Variants in ABCA7 observed in about 807,000 individuals in gnomAD.
ABCA7 encodes the protein ATP binding cassette subfamily A member 7, also known as phospholipid-transporting ATPase ABCA7.
A neutral mutation model predicts 227.6 loss-of-function variants in ABCA7; 261 were observed. That is an observed-to-expected ratio of 1.15 (90% CI 1.04 to 1.27). ABCA7 has a LOEUF of 1.27. ABCA7 is among the 50% of genes most tolerant of loss of function. The pLI, the probability that ABCA7 is intolerant of heterozygous loss-of-function variation, is 0.00. For missense variants in ABCA7, 3,331 were observed against 2,924.5 expected, an observed-to-expected ratio of 1.14 and a Z score of -3.21; for synonymous variants, 1,488 against 1,279.7, an observed-to-expected ratio of 1.16 and a Z score of -3.47.
chr19:1,063,482 T>C (rs1034477938), intron 42 of ABCA7, 62 bp from the exon 43 acceptor site: 1 of 1,575,896 alleles, frequency 6.3e-7, no homozygotes, highest in African/African-American at 1.3e-5. Flanking sequence ...CCCGCCACAC[T>C]GTGGCCCTGC....
At position 1,061,793 on chromosome 19, in the gene ABCA7, G is replaced by A. The variant is rs1206154713; in HGVS notation, c.5475G>A (p.Leu1825=). ...LGIPPGECFG[L]LGVNGAGKTS... is the part of the protein sequence containing the mutation. ...GGGCATCCCTGTAGTGTTTTGGGCT[G>A]CTGGGTGTGAATGGAGCAGGGAAGA... The change falls in exon 41 of 47, where the codon CTG becomes CTA. Residue 1825 remains leucine (L), a synonymous_variant. Coordinates refer to ENST00000263094, the MANE Select transcript of ABCA7 (RefSeq NM_019112.4). 2 of 1,613,056 alleles carry A rather than the reference G, an allele frequency of 1.2e-6. No individual in the cohort carries two copies. The highest frequency in any genetic ancestry group is 1.7e-5 in the Admixed American group (1 of 59,896).
At position 1,041,814 on chromosome 19, in the gene ABCA7, C is replaced by G. The variant is rs764668443; in HGVS notation, c.161-17C>G. The G allele has an allele frequency of 5.0e-6, 8 of 1,600,756 alleles. No homozygotes were observed. In the South Asian group the frequency reaches 8.9e-5, roughly 18 times the overall value. On this transcript the variant is annotated splice_polypyrimidine_tract_variant and intron_variant, in intron 3 of 46. Transcript: ENST00000263094. ...GGCAGAGTCCACAGGGCCTCAGCACCAGGCGTCTCCCCGCAGGCCACTTCC... is the reference window on the plus strand; with the variant it reads ...GGCAGAGTCCACAGGGCCTCAGCACGAGGCGTCTCCCCGCAGGCCACTTCC...
At position 1,063,792 on chromosome 19, in the gene ABCA7, G is replaced by T. The variant is rs1323735723; in HGVS notation, c.5880G>T (p.Ala1960=). ...DEPTTGMDPS[A]RRFLWNSLLA... is the part of the protein sequence containing the mutation. The stretch of plus-strand genomic sequence containing the variant: ...CGACCACAGGCATGGACCCCAGCGC[G>T]CGGCGCTTCCTTTGGAACAGCCTTT... The change falls in exon 44 of 47, where the codon GCG becomes GCT. Residue 1960 remains alanine, a synonymous_variant. Transcript: ENST00000263094. The T allele has an allele frequency of 7.8e-6, 12 of 1,546,746 alleles. No individual in the cohort carries two copies. Among genetic ancestry groups the T allele is most frequent in the Non-Finnish European group, 1.0e-5 (12 of 1,145,730 alleles).
At chr19:1,041,175 G>A in intron 1 of ABCA7, 50 bp from the exon 2 acceptor site, 1 of 653,672 alleles carries the variant, frequency 1.5e-6, no homozygotes, top group East Asian at 2.7e-5. Context: ...CACCCCTGGG[G>A]TAGCGGAGCC....
At position 1,043,178 on chromosome 19, in the gene ABCA7, C is replaced by A. The variant is rs1174607577; in HGVS notation, c.717C>A (p.Asn239Lys). The A allele has an allele frequency of 1.3e-5, 21 of 1,610,816 alleles. No homozygotes were observed. The highest frequency in any genetic ancestry group is 1.8e-5 in the Non-Finnish European group (21 of 1,178,420). The change falls in exon 8 of 47, where the codon AAC becomes AAA. Residue 239 changes from asparagine (N) to lysine (K), a missense_variant. Coordinates refer to ENST00000263094, the MANE Select transcript of ABCA7 (RefSeq NM_019112.4). ...GPSSTVGPSLNWYEASDLMEL... is the reference protein window; with the variant it reads ...GPSSTVGPSLKWYEASDLMEL... ...GCAGCACAGTGGGCCCCTCCCTCAA[C>A]TGGTACGAGGCTAGTGACCTGATGG...
Position 1,041,614 on chromosome 19 carries a change from C to A in ABCA7, c.160+11C>A. 4 of 1,609,908 alleles carry A rather than the reference C, an allele frequency of 2.5e-6. No homozygotes were observed. Among genetic ancestry groups the A allele is most frequent in the Non-Finnish European group, 3.4e-6 (4 of 1,179,300 alleles). On this transcript the variant is annotated intron_variant, in intron 3 of 46. Coordinates refer to ENST00000263094, the MANE Select transcript of ABCA7 (RefSeq NM_019112.4). ...TGGAGCACCATGAATGTGAGCCCCC[C>A]CAGGGACCAGGCACTTTGTGTGTGT...
At position 1,043,040 on chromosome 19, in the gene ABCA7, G is replaced by A; in HGVS notation, c.580-1G>A. On this transcript the variant is annotated splice_acceptor_variant, in intron 7 of 46. Coordinates refer to ENST00000263094, the MANE Select transcript of ABCA7 (RefSeq NM_019112.4). LOFTEE classifies it high-confidence loss of function. The stretch of plus-strand genomic sequence containing the variant: ...AGCTCCGTCTGGTAACCTCTCTCTA[G>A]CTCCTGGCGCTGCGCAGCCTGGTGG... 6.3e-7 allele frequency: 1 copy of A among 1,597,942 alleles called. No individual in the cohort carries two copies. The highest frequency in any genetic ancestry group is 1.1e-5 in the South Asian group (1 of 90,382).
At chr19:1,047,771 AAG>A in intron 16 of ABCA7, 117 bp downstream of exon 16, 1 of 1,198,642 alleles carries the variant, frequency 8.3e-7, no homozygotes, top group Admixed American at 2.8e-5. Flanking sequence ...CCTTGGAGAG[AAG>A]GCGGGGCTTC....
Position 1,042,379 on chromosome 19 carries a change from G to T in ABCA7, c.480G>T (p.Leu160=). The change falls in exon 6 of 47, where the codon CTG becomes CTT. Residue 160 remains leucine (L), a synonymous_variant. Coordinates refer to ENST00000263094, the MANE Select transcript of ABCA7 (RefSeq NM_019112.4). ...EPPMLDVAEL[L]TSLLRTESLG... ...CCATGCTGGATGTCGCGGAGCTGCT[G>T]ACGTCACTGCTGCGCACGGTAGGGT... 1 of 1,607,334 alleles carries T rather than the reference G, an allele frequency of 6.2e-7. No individual in the cohort carries two copies.
intron 11 of ABCA7, 77 bp from the exon 12 acceptor site, chr19:1,044,925 A>ATCGG: frequency 6.5e-7 from 1 of 1,550,264 alleles, no homozygotes; most frequent in South Asian, 1.2e-5. Flanking sequence ...CCCAGCCCCG[A>ATCGG]GGTCCAGGGG....
At chr19:1,044,541 C>T in intron 10 of ABCA7, 36 bp from the exon 11 acceptor site, 3 of 1,594,118 alleles carry the variant, frequency 1.9e-6, no homozygotes, top group East Asian at 2.2e-5. Flanking sequence ...GCCACTGTGC[C>T]CGACCCAGAC....
chr19:1,058,047 C>G lies in ABCA7; in HGVS notation c.5013C>G (p.Leu1671=), dbSNP rs755966364. ...NGSMATFVLE[L]FSDQKLQEVS... ...GCATGGCCACCTTTGTGCTTGAGCT[C>G]TTCTCTGATCAGGTGGGGCACCACG... is the stretch of plus-strand genomic sequence containing the variant. Residue 1671 remains leucine, a synonymous_variant, in exon 36 of 47, where the codon CTC becomes CTG. Coordinates refer to ENST00000263094, the MANE Select transcript of ABCA7 (RefSeq NM_019112.4). 3 of 1,614,160 alleles carry G rather than the reference C, an allele frequency of 1.9e-6. No individual in the cohort carries two copies. Among genetic ancestry groups the G allele is most frequent in the Non-Finnish European group, 2.5e-6 (3 of 1,180,038 alleles).
Position 1,043,418 on chromosome 19 carries a change from T to C in ABCA7, c.875T>C (p.Leu292Pro). 1.2e-6 allele frequency: 2 copies of C among 1,613,378 alleles called. No homozygotes were observed. The highest frequency in any genetic ancestry group is 8.5e-7 in the Non-Finnish European group (1 of 1,180,000). Residue 292 changes from leucine to proline, a missense_variant, in exon 9 of 47, where the codon CTC becomes CCC. Physicochemically the swap from Leu to Pro is moderately conservative, Grantham distance 98 (BLOSUM62 -3). Transcript: ENST00000263094. The stretch of plus-strand genomic sequence containing the variant: ...TGGAGACGCCTGAAGCCTCTGATCC[T>C]CGGGAAGCTACTCTTTGCACCAGAT... ...LLWRRLKPLI[L>P]GKLLFAPDTP...
intron 40 of ABCA7, among the ~76,000 whole-genome samples, chr19:1,060,210 T>A (rs1020172820): frequency 0.018 from 2,609 of 146,164 alleles, 152 homozygotes; most frequent in African/African-American, 0.055. Context: ...TATATATATT[T>A]TTTTTTCTTT....
chr19:1,044,630 G>T lies in ABCA7; in HGVS notation c.1101G>T (p.Arg367=), dbSNP rs748838063. The change falls in exon 11 of 47, where the codon CGG becomes CGT. Residue 367 remains arginine, a synonymous_variant. Transcript: ENST00000263094. ...EGRRQPRPGG[R]DHMEALRSFL... ...GAAGGCAGCCCAGACCTGGAGGCCGGGACCACATGGAGGCCCTGCGATCCT... is the reference window on the plus strand; with the variant it reads ...GAAGGCAGCCCAGACCTGGAGGCCGTGACCACATGGAGGCCCTGCGATCCT... 3 of 1,613,262 alleles carry T rather than the reference G, an allele frequency of 1.9e-6. No homozygotes were observed. In the East Asian group the frequency reaches 6.7e-5, roughly 36 times the overall value.
chr19:1,063,438 C>T (rs1568425235), intron 42 of ABCA7, 106 bp from the exon 43 acceptor site: 1 of 1,463,086 alleles, frequency 6.8e-7, no homozygotes, highest in Non-Finnish European at 9.2e-7. Flanking sequence ...CTGCCCCATG[C>T]CCATTATGCC....
chr19:1,058,124 T>C (rs2042410849), intron 36 of ABCA7, 22 bp from the exon 37 acceptor site: 1 of 1,613,864 alleles, frequency 6.2e-7, no homozygotes, highest in African/African-American at 1.3e-5. Flanking sequence ...CTGACCAACA[T>C]CCGTCTCCCA....
intron 16 of ABCA7, among the ~76,000 whole-genome samples, chr19:1,048,557 C>T (rs868690715): frequency 1.3e-5 from 2 of 149,242 alleles, no homozygotes; most frequent in Admixed American, 6.7e-5. Context: ...CGCCTGCTTT[C>T]CCAGCACTTT....
rs781014241 is a variant in ABCA7, at chr19:1,041,962, A to G, written c.292A>G (p.Asn98Asp). The part of the protein sequence containing the change: ...GEEPGRLSNF[N>D]DSLVSRLLAD... ...GGAGCCCGGGCGCCTGAGCAACTTC[A>G]ACGACTCCCTGTGAGCCAGAGGCAG... Residue 98 changes from asparagine (N) to aspartate (D), a missense_variant, in exon 4 of 47, where the codon AAC becomes GAC. Physicochemically the swap from Asn to Asp is conservative, Grantham distance 23. Transcript: ENST00000263094. 1.3e-6 allele frequency: 2 copies of G among 1,585,610 alleles called. No individual in the cohort carries two copies. Among genetic ancestry groups the G allele is most frequent in the Non-Finnish European group, 1.7e-6 (2 of 1,171,596 alleles).
Sources: gnomAD v4.1 joint callset for allele counts (sites outside exome capture counted in the v4.1 genomes callset) on GRCh38, gnomAD v4.1.1 for gene constraint, MANE v1.5 for transcripts, NCBI Gene and HGNC (gene_info 2026-07-23, HGNC 2026-07-21) for gene names.